Variants in RP1 observed in about 807,000 individuals in gnomAD.
RP1 encodes the protein oxygen-regulated protein 1.
Under a neutral mutation model 14.8 loss-of-function variants are expected in RP1, and 16 were observed. The ratio of observed to expected loss-of-function variants is 1.08; its 90% CI spans 0.73 to 1.65. The LOEUF is 1.65. Among genes scored for constraint, RP1 ranks in the 40% most tolerant of loss-of-function variants. The pLI is 0.00. For missense variants in RP1, 2,631 were observed against 2,535.0 expected (o/e 1.04, Z -0.81); for synonymous variants, 876 against 883.6 (o/e 0.99, Z 0.15).
chr8:54,863,588 T>C (rs1402896475), intron 27 of RP1, among the ~76,000 whole-genome samples: 1 of 152,222 alleles, frequency 6.6e-6, no homozygotes, highest in Non-Finnish European at 1.5e-5. Flanking sequence ...GGATCATCAA[T>C]TGTACTACCA....
Position 54,852,486 on chromosome 8 carries a change from A to G in RP1, c.3836-88A>G, listed in dbSNP as rs1013334695. On this transcript the variant is annotated intron_variant, in intron 25 of 28. Coordinates refer to the RP1 transcript ENST00000637698. ...CAAGTATCATCAACTAGATGAAAGA[A>G]CATTCTGATTTCCTTGCAGAATATC... is the stretch of plus-strand genomic sequence containing the variant. The G allele has an allele frequency of 6.4e-5, 61 of 949,154 alleles. 1 individual carries two copies. In the East Asian group the frequency reaches 2.0e-3, roughly 31 times the overall value. 58.8% of individuals were successfully genotyped at this position (949,154 alleles called of 1,614,324 possible).
chr8:54,698,428 C>T (rs1256825759), intron 12 of RP1, among the ~76,000 whole-genome samples: 2 of 152,176 alleles, frequency 1.3e-5, no homozygotes, highest in Admixed American at 6.5e-5. Flanking sequence ...AACGCTTTTA[C>T]GCTGTTGGTG....
At chr8:54,687,004 G>A (rs977060663) in intron 12 of RP1, among the ~76,000 whole-genome samples, 32 of 152,022 alleles carry the variant, frequency 2.1e-4, no homozygotes, top group African/African-American at 7.7e-4. Context: ...CAGGTTTTGA[G>A]TGTGGATTTT....
At chr8:54,675,100 G>A (rs1214661050) in intron 8 of RP1, among the ~76,000 whole-genome samples, 2 of 152,046 alleles carry the variant, frequency 1.3e-5, no homozygotes, top group African/African-American at 4.8e-5. Flanking sequence ...AAAAATCCCT[G>A]TGTCCAATTA....
intron 25 of RP1, among the ~76,000 whole-genome samples, chr8:54,851,364 C>A (rs997294213): frequency 2.6e-5 from 4 of 151,914 alleles, no homozygotes; most frequent in Admixed American, 6.6e-5. Flanking sequence ...TTAAGGTCTC[C>A]CTTTAAAAAA....
intron 19 of RP1, among the ~76,000 whole-genome samples, chr8:54,739,375 A>T (rs540326741): frequency 6.6e-6 from 1 of 152,262 alleles, no homozygotes; most frequent in South Asian, 2.1e-4. Flanking sequence ...AACCCATCAT[A>T]ACCTCAAGAA....
chr8:54,621,001 T>G lies in RP1; in HGVS notation c.35T>G (p.Ile12Ser). 1 of 1,614,176 alleles carries G rather than the reference T, an allele frequency of 6.2e-7. No individual in the cohort carries two copies. ...SDTPSTGFSI[I>S]HPTSSEGQVP... Reference sequence around the variant, plus strand: ...ACCCCTTCTACTGGTTTTTCCATCATTCATCCTACGTCTTCTGAAGGTCAA... The same window carrying G: ...ACCCCTTCTACTGGTTTTTCCATCAGTCATCCTACGTCTTCTGAAGGTCAA... The change falls in exon 2 of 4, where the codon ATT becomes AGT. Residue 12 changes from isoleucine to serine, a missense_variant. Transcript: ENST00000220676.
chr8:54,600,338 T>C (rs1805246685), intron 1 of RP1, among the ~76,000 whole-genome samples: 1 of 152,200 alleles, frequency 6.6e-6, no homozygotes. Flanking sequence ...CAATTAAACC[T>C]CTTTCTTTAT....
chr8:54,631,135 C>T (rs1806239459), downstream of RP1, among the ~76,000 whole-genome samples: 1 of 152,020 alleles, frequency 6.6e-6, no homozygotes, highest in South Asian at 2.1e-4. Context: ...GCTAAAATAA[C>T]ATAAATTTGG....
chr8:54,658,831 A>G (rs1201520329), intron 6 of RP1, among the ~76,000 whole-genome samples: 1 of 151,354 alleles, frequency 6.6e-6, no homozygotes, highest in Non-Finnish European at 1.5e-5. Context: ...TAGTAGTTGG[A>G]CAATTTTACA....
chr8:54,656,062 G>A, intron 5 of RP1: 1 of 1,476,492 alleles, frequency 6.8e-7, no homozygotes. Context: ...ATTTTTAAAA[G>A]TAATATTATT....
intron 25 of RP1, among the ~76,000 whole-genome samples, chr8:54,850,306 C>T (rs1358848927): frequency 6.6e-6 from 1 of 152,138 alleles, no homozygotes; most frequent in African/African-American, 2.4e-5. Context: ...TTCTGGAAAA[C>T]ATTGACATCT....
At chr8:54,676,270 A>G (rs1409236364) in intron 8 of RP1, among the ~76,000 whole-genome samples, 1 of 152,176 alleles carries the variant, frequency 6.6e-6, no homozygotes, top group Non-Finnish European at 1.5e-5. Flanking sequence ...GAGTATAAAA[A>G]CTACAAGTTT....
intron 1 of RP1, among the ~76,000 whole-genome samples, chr8:54,602,584 T>C (rs1259214269): frequency 2.0e-5 from 3 of 152,208 alleles, no homozygotes; most frequent in Non-Finnish European, 4.4e-5. Flanking sequence ...ATGGTATTTC[T>C]AGTTCTAGAT....
chr8:54,638,116 C>T (rs1265240458), intron 3 of RP1, among the ~76,000 whole-genome samples: 1 of 152,114 alleles, frequency 6.6e-6, no homozygotes, highest in Admixed American at 6.5e-5. Flanking sequence ...GTTTAGGCCT[C>T]AGTTTAGGTG....
intron 24 of RP1, among the ~76,000 whole-genome samples, chr8:54,793,141 A>C (rs1049158107): frequency 1.3e-5 from 2 of 152,020 alleles, no homozygotes; most frequent in Admixed American, 1.3e-4. Context: ...AACATGAAGA[A>C]ATAGAAAGCC....
intron 24 of RP1, among the ~76,000 whole-genome samples, chr8:54,828,977 T>C (rs959420332): frequency 7.0e-6 from 1 of 142,246 alleles, no homozygotes; most frequent in African/African-American, 2.6e-5. Flanking sequence ...CTGTAACCTC[T>C]GCCCCACCAG....
Position 54,626,467 on chromosome 8 carries a change from C to T in RP1, c.2585C>T (p.Ser862Leu). The change falls in exon 4 of 4, where the codon TCA becomes TTA. Residue 862 changes from serine (S) to leucine (L), a missense_variant. By Grantham distance (145) the Ser-to-Leu change is moderately radical. Coordinates refer to ENST00000220676, the MANE Select transcript of RP1 (RefSeq NM_006269.2). ...KKSLVSKVTD[S>L]HITLKSQKKR... ...AGTTTAGTTTCAAAAGTTACTGATT[C>T]ACACATAACTTTAAAAAGCCAGAAA... 6 of 1,613,594 alleles carry T rather than the reference C, an allele frequency of 3.7e-6. No homozygotes were observed. Among genetic ancestry groups the T allele is most frequent in the Non-Finnish European group, 5.1e-6 (6 of 1,179,882 alleles).
intron 7 of RP1, among the ~76,000 whole-genome samples, chr8:54,672,146 T>C (rs1434647123): frequency 6.6e-6 from 1 of 152,216 alleles, no homozygotes; most frequent in African/African-American, 2.4e-5. Flanking sequence ...GTCTCTCTGC[T>C]GTACTGAAGA....
Sources: allele counts gnomAD v4.1 joint callset (sites outside exome capture counted in the v4.1 genomes callset), GRCh38; gene constraint gnomAD v4.1.1; transcripts MANE v1.5; gene names NCBI Gene and HGNC (gene_info 2026-07-23, HGNC 2026-07-21).